The following ULK4 variants were observed in gnomAD, a reference collection of about 807,000 sequenced individuals.
ULK4 encodes inactive serine/threonine-protein kinase ULK4.
A neutral mutation model predicts 160.6 loss-of-function variants in ULK4; 133 were observed. The observed-to-expected ratio is 0.83, with a 90% CI of 0.72 to 0.96. The LOEUF (loss-of-function observed/expected upper bound fraction) is 0.96. Among genes scored for constraint, ULK4 ranks in the 40% least tolerant of loss-of-function variants. The pLI is 0.00. For missense variants in ULK4, 1,580 were observed against 1,499.5 expected, an observed-to-expected ratio of 1.05 and a Z score of -0.89; for synonymous variants, 534 against 539.8, an observed-to-expected ratio of 0.99 and a Z score of 0.15.
At chr3:41,692,458 G>A (rs947043742) in intron 27 of ULK4, among the ~76,000 whole-genome samples, 1 of 151,256 alleles carries the variant, frequency 6.6e-6, no homozygotes, top group East Asian at 1.9e-4. Flanking sequence ...GCTCACCAAT[G>A]TTCTGCCCTT....
At chr3:41,825,851 T>A (rs1162276752) in intron 18 of ULK4, among the ~76,000 whole-genome samples, 1 of 152,088 alleles carries the variant, frequency 6.6e-6, no homozygotes, top group Non-Finnish European at 1.5e-5. Flanking sequence ...CCAAGACACA[T>A]AATTGTCAGA....
chr3:41,914,425 T>C (rs1018371163), intron 8 of ULK4, among the ~76,000 whole-genome samples: 3 of 152,180 alleles, frequency 2.0e-5, no homozygotes, highest in Non-Finnish European at 2.9e-5. Context: ...AGGCACACTG[T>C]AGATGAGAGT....
intron 5 of ULK4, among the ~76,000 whole-genome samples, chr3:41,927,607 T>G (rs865910402): frequency 6.8e-6 from 1 of 146,974 alleles, no homozygotes; most frequent in Middle Eastern, 3.6e-3. Flanking sequence ...GAGACCCATC[T>G]CACGTGCAGA....
chr3:41,591,789 T>C (rs1343363734), intron 31 of ULK4, among the ~76,000 whole-genome samples: 1 of 152,222 alleles, frequency 6.6e-6, no homozygotes, highest in East Asian at 1.9e-4. Context: ...AATTGTTCTA[T>C]TTAGGCAGCC....
chr3:41,696,137 A>G (rs1373218978), intron 27 of ULK4, among the ~76,000 whole-genome samples: 1 of 151,492 alleles, frequency 6.6e-6, no homozygotes, highest in African/African-American at 2.4e-5. Context: ...TTTAGAAAAG[A>G]CTCTACTCCT....
At chr3:41,773,261 G>T (rs1575683095) in intron 21 of ULK4, among the ~76,000 whole-genome samples, 1 of 152,176 alleles carries the variant, frequency 6.6e-6, no homozygotes, top group Admixed American at 6.5e-5. Flanking sequence ...CATTCAATTA[G>T]GAAAAGAGGA....
intron 21 of ULK4, among the ~76,000 whole-genome samples, chr3:41,765,335 A>G (rs1337259273): frequency 6.6e-6 from 1 of 151,550 alleles, no homozygotes; most frequent in Non-Finnish European, 1.5e-5. Context: ...GCATGCTCTC[A>G]CTCATAGGTG....
intron 2 of ULK4, among the ~76,000 whole-genome samples, chr3:41,947,808 T>C (rs539686348): frequency 6.6e-6 from 1 of 152,198 alleles, no homozygotes; most frequent in Non-Finnish European, 1.5e-5. Flanking sequence ...CTATCTCACC[T>C]TTCTTACCAG....
At chr3:41,551,898 C>A (rs537974706) in intron 32 of ULK4, among the ~76,000 whole-genome samples, 2 of 151,938 alleles carry the variant, frequency 1.3e-5, no homozygotes, top group Non-Finnish European at 2.9e-5. Context: ...AACAGAACAT[C>A]AAAAAGATAA....
chr3:41,930,444 C>G (rs1230166199), intron 5 of ULK4, among the ~76,000 whole-genome samples: 2 of 152,118 alleles, frequency 1.3e-5, no homozygotes, highest in African/African-American at 4.8e-5. Context: ...TACTTCATGA[C>G]TAAAACACCA....
chr3:41,936,687 T>C (rs962861108), intron 3 of ULK4, among the ~76,000 whole-genome samples: 1 of 152,180 alleles, frequency 6.6e-6, no homozygotes, highest in African/African-American at 2.4e-5. Context: ...TCGCATGTCC[T>C]CACTCATTTG....
At chr3:41,745,858 C>A (rs2038401084) in intron 22 of ULK4, among the ~76,000 whole-genome samples, 1 of 150,804 alleles carries the variant, frequency 6.6e-6, no homozygotes, top group Admixed American at 6.6e-5. Context: ...ATTTGAAAAA[C>A]AATGTAATAT....
rs1366924150 is a variant in ULK4, at chr3:41,901,507, G to C, written c.1183-678C>G. Among the ~76,000 whole-genome samples the C allele has an allele frequency of 3.0e-4, 5 of 16,510 alleles. No individual in the cohort carries two copies. In the Non-Finnish European group the frequency reaches 3.2e-3, roughly 11 times the overall value. The allele number at this position is 16,510 out of a possible 152,430, so 10.8% of individuals were successfully genotyped here. A position where few individuals can be genotyped will look rare whatever the true frequency, so the allele number is the denominator to read the frequency against. ...TTTTTTTTTTTTTTTTTGAGATAGA[G>C]TCTCACTCCATCACACAGGCTGGAA... On this transcript the variant is annotated intron_variant, in intron 12 of 36. Transcript: ENST00000301831.
intron 29 of ULK4, among the ~76,000 whole-genome samples, chr3:41,666,926 A>G (rs2035366982): frequency 6.6e-6 from 1 of 152,118 alleles, no homozygotes; most frequent in Non-Finnish European, 1.5e-5. Flanking sequence ...GGAGAATTAC[A>G]TGAGTCCAGG....
intron 31 of ULK4, among the ~76,000 whole-genome samples, chr3:41,579,258 G>C (rs895416724): frequency 1.3e-5 from 2 of 152,114 alleles, no homozygotes; most frequent in African/African-American, 2.4e-5. Context: ...TCATGAAAAT[G>C]AAAGAGAAAA....
chr3:41,427,348 GTACCATT>G (rs71616007), intron 34 of ULK4, among the ~76,000 whole-genome samples: 24,875 of 152,066 alleles, frequency 0.16, 2,137 homozygotes, highest in Admixed American at 0.21. Flanking sequence ...AGAGAAGCTA[GTACCATT>G]TACCATTTCT....
At chr3:41,874,718 G>C (rs917318844) in intron 17 of ULK4, among the ~76,000 whole-genome samples, 2 of 152,062 alleles carry the variant, frequency 1.3e-5, no homozygotes, top group African/African-American at 4.8e-5. Flanking sequence ...GTGAAGGAGG[G>C]GAGAGGGATT....
intron 11 of ULK4, among the ~76,000 whole-genome samples, chr3:41,909,541 T>A (rs554029272): frequency 8.2e-6 from 1 of 121,740 alleles, no homozygotes; most frequent in African/African-American, 3.0e-5. Context: ...AGAAACTCCA[T>A]CTCTACTAAA....
chr3:41,727,328 G>A (rs759937587), intron 22 of ULK4, among the ~76,000 whole-genome samples: 5 of 152,172 alleles, frequency 3.3e-5, no homozygotes, highest in Non-Finnish European at 5.9e-5. Flanking sequence ...TATTTTTCTA[G>A]TTGATGTAGA....
Sources: gnomAD v4.1 joint callset for allele counts (sites outside exome capture counted in the v4.1 genomes callset) on GRCh38, gnomAD v4.1.1 for gene constraint, MANE v1.5 for transcripts, NCBI Gene and HGNC (gene_info 2026-07-23, HGNC 2026-07-21) for gene names.